Variants in SNX2 observed in about 807,000 individuals in gnomAD.
SNX2 encodes the protein sorting nexin 2.
In SNX2, 25 loss-of-function variants were observed where a neutral mutation model predicts 69.9. The observed-to-expected ratio is 0.36, with a 90% CI of 0.26 to 0.50. The LOEUF (loss-of-function observed/expected upper bound fraction) is 0.50. Among genes scored for constraint, SNX2 ranks in the 20% least tolerant of loss-of-function variants. The probability of loss-of-function intolerance (pLI) is 0.97; values close to 1 mark genes in which losing one functional copy is unlikely to be tolerated. For missense variants in SNX2, 551 were observed against 613.3 expected, an observed-to-expected ratio of 0.90 and a Z score of 1.07; for synonymous variants, 229 against 200.4, an observed-to-expected ratio of 1.14 and a Z score of -1.20.
intron 6 of SNX2, 174 bp downstream of exon 6, chr5:122,803,787 T>G (rs953857664): frequency 2.2e-5 from 11 of 510,016 alleles, no homozygotes; most frequent in Non-Finnish European, 3.7e-5. Flanking sequence ...AATGTATTGG[T>G]AATAGTTTTA....
At chr5:122,820,178 T>TA (rs980083991) in intron 11 of SNX2, among the ~76,000 whole-genome samples, 7 of 152,236 alleles carry the variant, frequency 4.6e-5, no homozygotes, top group African/African-American at 1.7e-4. Flanking sequence ...AGACCTGTTG[T>TA]AAAAAAGTGT....
At chr5:122,779,449 T>C (rs1202770852) in intron 1 of SNX2, among the ~76,000 whole-genome samples, 2 of 152,190 alleles carry the variant, frequency 1.3e-5, no homozygotes, top group Non-Finnish European at 1.5e-5. Context: ...TTTTTTCCTT[T>C]AGTACAATGG....
At chr5:122,806,142 G>GCACGCACGCACACACACACACACACACA (rs1554063175) in intron 6 of SNX2, among the ~76,000 whole-genome samples, 6 of 130,578 alleles carry the variant, frequency 4.6e-5, no homozygotes, top group African/African-American at 1.7e-4. Context: ...ACACGCGCGC[G>GCACGCACGCACACACACACACACACACA]CACACACACA....
chr5:122,809,344 T>A (rs1176363678), intron 7 of SNX2, among the ~76,000 whole-genome samples: 2 of 152,176 alleles, frequency 1.3e-5, no homozygotes, highest in East Asian at 3.9e-4. Flanking sequence ...ACTTAAAGAC[T>A]AATATATATG....
chr5:122,827,426 T>G lies in SNX2; in HGVS notation c.1404T>G (p.Ser468=). The G allele has an allele frequency of 6.2e-7, 1 of 1,613,546 alleles. No individual in the cohort carries two copies. Among genetic ancestry groups the G allele is most frequent in the Non-Finnish European group, 8.5e-7 (1 of 1,179,634 alleles). The part of the protein sequence containing the change: ...QQGERDFEQI[S]KTIRKEVGRF... ...GGGAAAGAGATTTTGAACAGATATCTAAAACGATTCGAAAAGAAGTGGGAA... is the reference window on the plus strand; with the variant it reads ...GGGAAAGAGATTTTGAACAGATATCGAAAACGATTCGAAAAGAAGTGGGAA... The change falls in exon 13 of 15, where the codon TCT becomes TCG. Residue 468 remains serine (S), a synonymous_variant. Transcript: ENST00000379516.
chr5:122,830,928 G>T lies in SNX2; in HGVS notation c.*1280G>T, dbSNP rs186406666. 6.4e-5 allele frequency among the ~76,000 whole-genome samples: 9 copies of T among 139,586 alleles called. No individual in the cohort carries two copies. The East Asian group carries it at 2.0e-3, about 31-fold the overall frequency. 91.6% of individuals were successfully genotyped at this position (139,586 alleles called of 152,430 possible). On this transcript the variant is annotated 3_prime_UTR_variant, in exon 15 of 15. Transcript: ENST00000379516. ...GGAGGCTGAGGCACAAGAATCGCTT[G>T]AACCAGGAAGGTGGAGGTTGCAGTG... is the stretch of plus-strand genomic sequence containing the variant.
chr5:122,828,385 T>A (rs1754207743), intron 14 of SNX2, among the ~76,000 whole-genome samples: 1 of 152,132 alleles, frequency 6.6e-6, no homozygotes, highest in Non-Finnish European at 1.5e-5. Flanking sequence ...TGAAAATAAG[T>A]CATATAAGCT....
upstream of SNX2, chr5:122,775,031 G>T: frequency 7.2e-7 from 1 of 1,396,690 alleles, no homozygotes; most frequent in Non-Finnish European, 9.4e-7. Flanking sequence ...GCGGGTCGGC[G>T]CGGGCCCAGC....
chr5:122,793,368 C>T (rs1753288197), intron 1 of SNX2, among the ~76,000 whole-genome samples: 1 of 151,892 alleles, frequency 6.6e-6, no homozygotes. Flanking sequence ...AAACCAAACA[C>T]AAAAAATAAG....
intron 3 of SNX2, 140 bp downstream of exon 3, chr5:122,799,995 A>G: frequency 1.6e-6 from 1 of 607,002 alleles, no homozygotes; most frequent in Non-Finnish European, 2.7e-6. Flanking sequence ...TAGTTATGGG[A>G]TCTGGCTTCT....
Position 122,808,577 on chromosome 5 carries a change from A to G in SNX2, c.722+222A>G. ...TTTAGTAATCCTCATCAATAGTCTA[A>G]CAAAATAACACTTGTTTTTCTATTA... On this transcript the variant is annotated intron_variant, in intron 7 of 14. Transcript: ENST00000379516. The G allele has an allele frequency of 1.1e-5, 4 of 365,318 alleles. No homozygotes were observed. The East Asian group carries it at 1.8e-4, about 17-fold the overall frequency. 22.6% of individuals were successfully genotyped at this position (365,318 alleles called of 1,614,324 possible).
At position 122,813,619 on chromosome 5, in the gene SNX2, A is replaced by C. The variant is rs997208605; in HGVS notation, c.723-2277A>C. ...AATTTTAAAAGACAGGAATATATAT[A>C]TATTTCAAACTTTCTTGATATGGAA... On this transcript the variant is annotated intron_variant, in intron 7 of 14. Transcript: ENST00000379516. Among the ~76,000 whole-genome samples the C allele has an allele frequency of 1.4e-4, 21 of 152,210 alleles. 1 individual carries two copies. The highest frequency in any genetic ancestry group is 4.8e-4 in the African/African-American group (20 of 41,550).
chr5:122,776,378 G>C (rs1752856766), intron 1 of SNX2, among the ~76,000 whole-genome samples: 1 of 152,042 alleles, frequency 6.6e-6, no homozygotes, highest in Non-Finnish European at 1.5e-5. Context: ...CTGCAGCTTA[G>C]TGTTAATTTC....
rs368129883 is a variant in SNX2, at chr5:122,829,692, G to C, written c.*44G>C. 386 of 1,512,614 alleles carry C rather than the reference G, an allele frequency of 2.6e-4. 1 individual carries two copies. The highest frequency in any genetic ancestry group is 1.4e-3 in the Middle Eastern group (8 of 5,888). The allele number at this position is 1,512,614 out of a possible 1,614,324, so 93.7% of individuals were successfully genotyped here. On this transcript the variant is annotated 3_prime_UTR_variant, in exon 15 of 15. Transcript: ENST00000379516. ...TAAGAAGACCTTGGATGTTGTTCCA[G>C]TTATGCTGGATTCCACAGTGAAATC...
At position 122,817,046 on chromosome 5, in the gene SNX2, G is replaced by A. The variant is rs376112509; in HGVS notation, c.912+18G>A. 30 of 1,556,544 alleles carry A rather than the reference G, an allele frequency of 1.9e-5. No homozygotes were observed. The highest frequency in any genetic ancestry group is 6.8e-5 in the African/African-American group (5 of 73,922). On this transcript the variant is annotated intron_variant, in intron 9 of 14. Transcript: ENST00000379516. ...CGGATGCAGTAAGAGCTGATTTTTC[G>A]GCTTGAATAATGAGATGAATTAATG...
In SNX2 at chr5:122,799,829, G is replaced by A. The variant is rs138514194; in HGVS notation, c.364G>A (p.Val122Met). 34 of 1,611,398 alleles carry A rather than the reference G, an allele frequency of 2.1e-5. No individual in the cohort carries two copies. The highest frequency in any genetic ancestry group is 1.3e-4 in the East Asian group (6 of 44,786). ...RIESKSMSAP[V>M]IFDRSREEIE... Reference sequence around the variant, plus strand: ...TGAATCAAAGAGTATGTCTGCTCCCGTGATCTTTGATAGATCCAGGGAAGA... The same window carrying A: ...TGAATCAAAGAGTATGTCTGCTCCCATGATCTTTGATAGATCCAGGGAAGA... The change falls in exon 3 of 15, where the codon GTG (valine) becomes ATG (methionine). Residue 122 changes from valine (V) to methionine (M), a missense_variant. Transcript: ENST00000379516.
intron 11 of SNX2, among the ~76,000 whole-genome samples, chr5:122,822,852 A>T (rs556920659): frequency 6.6e-6 from 1 of 152,322 alleles, no homozygotes; most frequent in Non-Finnish European, 1.5e-5. Flanking sequence ...GGGGATCCCA[A>T]TTTATAAAAC....
At chr5:122,776,851 C>CA (rs1036375364) in intron 1 of SNX2, among the ~76,000 whole-genome samples, 1 of 151,878 alleles carries the variant, frequency 6.6e-6, no homozygotes, top group African/African-American at 2.4e-5. Context: ...CTTTAAAAAA[C>CA]AGAGTGTTAC....
At chr5:122,814,753 T>TTTTTTTGGGTTTTTTTG (rs11269917) in intron 7 of SNX2, among the ~76,000 whole-genome samples, 3 of 151,124 alleles carry the variant, frequency 2.0e-5, no homozygotes, top group African/African-American at 4.9e-5. Context: ...GATAGCAGGT[T>TTTTTTTGGGTTTTTTTG]TTTTTTTGTT....
Sources: allele counts gnomAD v4.1 joint callset (sites outside exome capture counted in the v4.1 genomes callset), GRCh38; gene constraint gnomAD v4.1.1; transcripts MANE v1.5; gene names NCBI Gene and HGNC (gene_info 2026-07-23, HGNC 2026-07-21).